The following RTTN variants were observed in gnomAD, a reference collection of about 807,000 sequenced individuals.
RTTN encodes the protein rotatin.
Under a neutral mutation model 269.2 loss-of-function variants are expected in RTTN, and 182 were observed. The ratio of observed to expected loss-of-function variants is 0.68; its 90% CI spans 0.60 to 0.76. The LOEUF is 0.76. RTTN is among the 30% of genes least tolerant of loss of function. The pLI is 0.00. For missense variants in RTTN, 2,545 were observed against 2,608.6 expected, an observed-to-expected ratio of 0.98 and a Z score of 0.53; for synonymous variants, 1,006 against 963.5, an observed-to-expected ratio of 1.04 and a Z score of -0.82.
At chr18:70,011,011 A>G (rs112792580) in intron 46 of RTTN, among the ~76,000 whole-genome samples, 2 of 152,214 alleles carry the variant, frequency 1.3e-5, no homozygotes, top group Non-Finnish European at 2.9e-5. Context: ...ATTCCTGGAC[A>G]CATACACCCT....
intron 26 of RTTN, among the ~76,000 whole-genome samples, chr18:70,117,230 T>G (rs2059624300): frequency 6.6e-6 from 1 of 152,122 alleles, no homozygotes; most frequent in Non-Finnish European, 1.5e-5. Context: ...TATCTTTTCA[T>G]GTATGTCCAT....
chr18:70,180,337 A>C (rs1599941654), intron 10 of RTTN, among the ~76,000 whole-genome samples: 1 of 152,218 alleles, frequency 6.6e-6, no homozygotes, highest in African/African-American at 2.4e-5. Context: ...TCTGCTAAAA[A>C]TACAAAAATT....
intron 16 of RTTN, 144 bp from the exon 17 acceptor site, chr18:70,149,181 C>G: frequency 1.5e-6 from 1 of 685,740 alleles, no homozygotes; most frequent in South Asian, 2.3e-5. Flanking sequence ...TTTAAAATAA[C>G]TTCTATGAGC....
Position 70,006,281 on chromosome 18 carries a change from G to A in RTTN, c.6525+100C>T. The A allele has an allele frequency of 5.3e-6, 4 of 758,408 alleles. No individual in the cohort carries two copies. The Admixed American group carries it at 9.5e-5, about 18-fold the overall frequency. The allele number at this position is 758,408 out of a possible 1,614,324, so 47.0% of individuals were successfully genotyped here. A position where few individuals can be genotyped will look rare whatever the true frequency, so the allele number is the denominator to read the frequency against. On this transcript the variant is annotated intron_variant, in intron 47 of 48. Coordinates refer to ENST00000640769, the MANE Select transcript of RTTN (RefSeq NM_173630.4). Reference sequence around the variant, plus strand: ...TCTTTGATTTTGTCTTTTTTCTTTTGCTGTAACTCTTGACACCTTTGGATG... The same window carrying A: ...TCTTTGATTTTGTCTTTTTTCTTTTACTGTAACTCTTGACACCTTTGGATG...
chr18:70,068,835 TTC>T (rs1379292667), intron 34 of RTTN, among the ~76,000 whole-genome samples: 11 of 152,230 alleles, frequency 7.2e-5, no homozygotes, highest in Admixed American at 3.9e-4. Flanking sequence ...TCCTGAGATC[TTC>T]AATTTATAAT....
chr18:70,059,175 T>C (rs574033838), intron 36 of RTTN, among the ~76,000 whole-genome samples: 177 of 152,216 alleles, frequency 1.2e-3, no homozygotes, highest in Admixed American at 1.9e-3. Flanking sequence ...CCCCATTAAA[T>C]AGGTGTTAAT....
At chr18:70,128,227 A>G (rs899027838) in intron 24 of RTTN, 131 bp downstream of exon 24, 24 of 659,150 alleles carry the variant, frequency 3.6e-5, no homozygotes, top group African/African-American at 3.3e-4. Context: ...AGTAAAAATT[A>G]TAACTGTTAA....
intron 19 of RTTN, among the ~76,000 whole-genome samples, chr18:70,140,582 C>T (rs1468883159): frequency 2.0e-5 from 3 of 152,058 alleles, no homozygotes; most frequent in Non-Finnish European, 4.4e-5. Context: ...TCTCCACAAG[C>T]TCATGTGTAA....
At position 70,148,302 on chromosome 18, in the gene RTTN, T is replaced by C. The variant is rs1029865909; in HGVS notation, c.2309+599A>G. Among the ~76,000 whole-genome samples the C allele has an allele frequency of 6.6e-5, 10 of 152,128 alleles. No individual in the cohort carries two copies. In the East Asian group the frequency reaches 1.5e-3, roughly 23 times the overall value. On this transcript the variant is annotated intron_variant, in intron 17 of 48. Coordinates refer to ENST00000640769, the MANE Select transcript of RTTN (RefSeq NM_173630.4). ...TCTAACCACTGTTACCTAAAAATAATAATAGAAAAGATTCATGTTGCAATG... is the reference window on the plus strand; with the variant it reads ...TCTAACCACTGTTACCTAAAAATAACAATAGAAAAGATTCATGTTGCAATG...
intron 32 of RTTN, among the ~76,000 whole-genome samples, chr18:70,078,695 A>C (rs2058488438): frequency 1.3e-5 from 2 of 152,126 alleles, no homozygotes; most frequent in Admixed American, 1.3e-4. Flanking sequence ...CAGCCCACTA[A>C]GTGTCTCTGT....
At chr18:70,021,265 T>A (rs1172977617) in intron 44 of RTTN, 1 of 152,978 alleles carries the variant, frequency 6.5e-6, no homozygotes, top group African/African-American at 2.4e-5. Context: ...GATATGGAGC[T>A]CAGAAAAGCC....
intron 40 of RTTN, among the ~76,000 whole-genome samples, chr18:70,038,086 G>GAC (rs2057230686): frequency 6.6e-6 from 1 of 152,206 alleles, no homozygotes. Flanking sequence ...TGCCAGGTTA[G>GAC]TCACATTAGA....
At chr18:70,009,910 G>A (rs1335508868) in intron 46 of RTTN, among the ~76,000 whole-genome samples, 6 of 149,926 alleles carry the variant, frequency 4.0e-5, no homozygotes, top group Non-Finnish European at 7.4e-5. Flanking sequence ...GCAAGCAGGG[G>A]AGAAAAAAAA....
At chr18:70,121,464 TA>T in intron 26 of RTTN, 91 bp downstream of exon 26, 2 of 1,124,860 alleles carry the variant, frequency 1.8e-6, no homozygotes, top group Non-Finnish European at 2.5e-6. Context: ...ATAGACAATA[TA>T]AAATTATCCT....
chr18:70,053,159 A>T (rs1007308597), intron 38 of RTTN: 9 of 152,344 alleles, frequency 5.9e-5, no homozygotes, highest in Admixed American at 5.9e-4. Context: ...TGTATCTTCC[A>T]TGAACTCAAC....
intron 45 of RTTN, among the ~76,000 whole-genome samples, chr18:70,018,923 GA>G (rs368684885): frequency 0.021 from 2,859 of 134,002 alleles, 81 homozygotes; most frequent in African/African-American, 0.073. Flanking sequence ...TACCATGGTA[GA>G]AAAAAAAACA....
intron 25 of RTTN, among the ~76,000 whole-genome samples, chr18:70,122,288 A>G (rs2059758714): frequency 6.6e-6 from 1 of 152,138 alleles, no homozygotes; most frequent in South Asian, 2.1e-4. Context: ...GAGAGCTAAA[A>G]GATTAGTAGA....
chr18:70,186,727 G>A (rs1454249961), intron 10 of RTTN, among the ~76,000 whole-genome samples: 1 of 152,166 alleles, frequency 6.6e-6, no homozygotes, highest in Non-Finnish European at 1.5e-5. Flanking sequence ...CGGCAACATG[G>A]ATGGAGCTGG....
intron 47 of RTTN, chr18:70,006,001 G>C (rs895686347): frequency 5.9e-6 from 1 of 169,102 alleles, no homozygotes; most frequent in Non-Finnish European, 1.3e-5. Context: ...AACTGAGCTA[G>C]ATAAAGGGGA....
Sources: gnomAD v4.1 joint callset for allele counts (sites outside exome capture counted in the v4.1 genomes callset) on GRCh38, gnomAD v4.1.1 for gene constraint, MANE v1.5 for transcripts, NCBI Gene and HGNC (gene_info 2026-07-23, HGNC 2026-07-21) for gene names.